Variants in NTRK2 observed in about 807,000 individuals in gnomAD.
The protein encoded by NTRK2 is neurotrophic receptor tyrosine kinase 2.
NTRK2 carries 13 observed loss-of-function variants against 94.5 expected under a neutral mutation model. The ratio of observed to expected loss-of-function variants is 0.14; its 90% CI spans 0.09 to 0.22. The LOEUF is 0.22. NTRK2 is among the 10% of genes least tolerant of loss of function. The probability of loss-of-function intolerance (pLI) is 1.00; values close to 1 mark genes in which losing one functional copy is unlikely to be tolerated. For missense variants in NTRK2, 639 were observed against 1,071.2 expected (o/e 0.60, Z 5.63); for synonymous variants, 372 against 407.4 (o/e 0.91, Z 1.05).
At chr9:84,695,398 C>T (rs2060315086) in intron 2 of NTRK2, among the ~76,000 whole-genome samples, 1 of 152,136 alleles carries the variant, frequency 6.6e-6, no homozygotes, top group African/African-American at 2.4e-5. Context: ...AAATGTGAAA[C>T]CTTTTAAAAT....
intron 9 of NTRK2, among the ~76,000 whole-genome samples, chr9:84,732,390 G>A (rs148907926): frequency 1.7e-4 from 26 of 152,138 alleles, no homozygotes; most frequent in Non-Finnish European, 2.4e-4. Context: ...CTCAGATTCC[G>A]TGGCTCTGGG....
chr9:84,950,104 C>G (rs1460550816), intron 16 of NTRK2, among the ~76,000 whole-genome samples: 1 of 152,180 alleles, frequency 6.6e-6, no homozygotes, highest in Non-Finnish European at 1.5e-5. Flanking sequence ...GCAGAGTAGG[C>G]ATGAGGACTG....
intron 17 of NTRK2, among the ~76,000 whole-genome samples, chr9:84,962,643 A>G (rs554160354): frequency 6.6e-6 from 1 of 152,318 alleles, no homozygotes; most frequent in South Asian, 2.1e-4. Flanking sequence ...TGGATGGGGC[A>G]GAAGGACTCT....
chr9:84,978,043 T>G (rs1007558306), intron 17 of NTRK2, among the ~76,000 whole-genome samples: 1 of 152,202 alleles, frequency 6.6e-6, no homozygotes, highest in African/African-American at 2.4e-5. Context: ...TCTCTCTCCC[T>G]TTCCCTGGGC....
At chr9:84,887,799 G>GA (rs1397372515) in intron 14 of NTRK2, among the ~76,000 whole-genome samples, 1 of 152,060 alleles carries the variant, frequency 6.6e-6, no homozygotes, top group African/African-American at 2.4e-5. Flanking sequence ...GGACCCCTGT[G>GA]AAAAAATCTC....
chr9:84,886,453 T>C (rs1227900799), intron 14 of NTRK2, among the ~76,000 whole-genome samples: 1 of 152,198 alleles, frequency 6.6e-6, no homozygotes, highest in Non-Finnish European at 1.5e-5. Flanking sequence ...GGCTTGGGTG[T>C]TCAAGTCTAG....
chr9:84,747,047 G>A (rs917548181), intron 11 of NTRK2, among the ~76,000 whole-genome samples: 5 of 152,076 alleles, frequency 3.3e-5, no homozygotes, highest in African/African-American at 1.2e-4. Context: ...ATAGGGCAGA[G>A]GAATTGGAAA....
chr9:84,848,242 G>A (rs1181310199), intron 12 of NTRK2, among the ~76,000 whole-genome samples: 1 of 152,168 alleles, frequency 6.6e-6, no homozygotes, highest in Non-Finnish European at 1.5e-5. Context: ...TCACACTGAA[G>A]ATTTCAACAT....
intron 12 of NTRK2, among the ~76,000 whole-genome samples, chr9:84,801,004 C>T (rs533583463): frequency 1.3e-5 from 2 of 152,268 alleles, no homozygotes; most frequent in African/African-American, 4.8e-5. Context: ...TGTTTTGGCC[C>T]ATGATTTACA....
At chr9:84,905,955 A>G (rs1342500798) in intron 14 of NTRK2, among the ~76,000 whole-genome samples, 1 of 152,200 alleles carries the variant, frequency 6.6e-6, no homozygotes, top group East Asian at 1.9e-4. Flanking sequence ...GTGAGAGAAG[A>G]GGTATAAAGA....
intron 17 of NTRK2, among the ~76,000 whole-genome samples, chr9:85,011,930 G>A (rs1440642439): frequency 7.7e-6 from 1 of 130,470 alleles, no homozygotes; most frequent in Non-Finnish European, 1.7e-5. Context: ...TACCCCACAG[G>A]ACTAGTGGAG....
intron 14 of NTRK2, among the ~76,000 whole-genome samples, chr9:84,893,373 C>G (rs775085394): frequency 3.3e-5 from 5 of 152,222 alleles, no homozygotes; most frequent in Middle Eastern, 3.2e-3. Flanking sequence ...GATCCAGAGG[C>G]AGCTATGCTG....
At chr9:84,918,710 C>A (rs1212630225) in intron 14 of NTRK2, among the ~76,000 whole-genome samples, 1 of 152,174 alleles carries the variant, frequency 6.6e-6, no homozygotes. Context: ...TCCTGAGAGT[C>A]ATGTTGCGTA....
intron 14 of NTRK2, among the ~76,000 whole-genome samples, chr9:84,882,719 T>TGCGCGC (rs1554762159): frequency 7.3e-4 from 106 of 145,830 alleles, no homozygotes; most frequent in African/African-American, 2.6e-3. Flanking sequence ...TGTGTGTGTG[T>TGCGCGC]GCGCGCGCGC....
intron 6 of NTRK2, among the ~76,000 whole-genome samples, chr9:84,717,820 T>C (rs1238601210): frequency 6.6e-6 from 1 of 152,168 alleles, no homozygotes; most frequent in African/African-American, 2.4e-5. Context: ...TTGCTTGAAA[T>C]GAAAATAAAG....
rs181015651 is a variant in NTRK2 at position 84,921,742 on chromosome 9, A to C, written c.1634-12420A>C. On this transcript the variant is annotated intron_variant, in intron 14 of 18. Coordinates refer to ENST00000277120, the MANE Select transcript of NTRK2 (RefSeq NM_006180.6). ...AACTCCCAATTCTTGGGAGGAGATA[A>C]GAGATAGTGCAAGCTAAATCCTCCT... is the stretch of plus-strand genomic sequence containing the variant. Among the ~76,000 whole-genome samples the C allele has an allele frequency of 1.9e-3, 295 of 152,338 alleles. 2 individuals carry two copies. The highest frequency in any genetic ancestry group is 6.2e-3 in the African/African-American group (256 of 41,572).
intron 14 of NTRK2, among the ~76,000 whole-genome samples, chr9:84,924,491 C>G (rs2077690192): frequency 6.6e-6 from 1 of 152,124 alleles, no homozygotes; most frequent in Non-Finnish European, 1.5e-5. Context: ...ATTGCCGGGA[C>G]TGACTGACAA....
chr9:84,817,240 C>G (rs1184781781), intron 12 of NTRK2, among the ~76,000 whole-genome samples: 1 of 152,186 alleles, frequency 6.6e-6, no homozygotes, highest in South Asian at 2.1e-4. Context: ...AACCCACTCG[C>G]ATATCTTGGT....
chr9:84,709,247 G>A (rs1023001040), intron 5 of NTRK2, among the ~76,000 whole-genome samples: 4 of 152,204 alleles, frequency 2.6e-5, no homozygotes, highest in African/African-American at 9.7e-5. Context: ...GAAGCCAGCT[G>A]TGCACCAGTG....
Sources: gnomAD v4.1 joint callset for allele counts (sites outside exome capture counted in the v4.1 genomes callset) on GRCh38, gnomAD v4.1.1 for gene constraint, MANE v1.5 for transcripts, NCBI Gene and HGNC (gene_info 2026-07-23, HGNC 2026-07-21) for gene names.